Variants in HSD17B12 observed in about 807,000 individuals in gnomAD.
The protein encoded by HSD17B12 is hydroxysteroid 17-beta dehydrogenase 12, also known as very-long-chain 3-oxoacyl-CoA reductase.
A neutral mutation model predicts 39.3 loss-of-function variants in HSD17B12; 32 were observed. The observed-to-expected ratio is 0.81, with a 90% CI of 0.61 to 1.09. The LOEUF is 1.09. HSD17B12 is among the 50% of genes least tolerant of loss of function. The probability of loss-of-function intolerance (pLI) is 0.00; values close to 1 mark genes in which losing one functional copy is unlikely to be tolerated. For missense variants in HSD17B12, 342 were observed against 382.9 expected (o/e 0.89, Z 0.89); for synonymous variants, 150 against 146.7 (o/e 1.02, Z -0.16).
chr11:43,684,865 C>A (rs183807168), intron 1 of HSD17B12, among the ~76,000 whole-genome samples: 22 of 152,320 alleles, frequency 1.4e-4, no homozygotes, highest in African/African-American at 5.3e-4. Context: ...CCCTGACCCC[C>A]ACCCGCTCCA....
chr11:43,696,930 A>G (rs1003977883), intron 1 of HSD17B12, among the ~76,000 whole-genome samples: 16 of 151,612 alleles, frequency 1.1e-4, no homozygotes, highest in Non-Finnish European at 1.5e-4. Context: ...CAAACACCAC[A>G]TGTTCTCACC....
chr11:43,578,336 C>T, the HSD17B12 span, among the ~76,000 whole-genome samples: 3 of 152,170 alleles, frequency 2.0e-5, no homozygotes, highest in African/African-American at 7.2e-5. Flanking sequence ...AGTGACCTGA[C>T]CCCGATACAG....
the HSD17B12 span, among the ~76,000 whole-genome samples, chr11:43,580,929 C>T: frequency 6.6e-6 from 1 of 151,944 alleles, no homozygotes; most frequent in Non-Finnish European, 1.5e-5. Context: ...GAGTTTTTCT[C>T]TTTACGCAGC....
At chr11:43,770,678 T>C (rs958546611) in intron 3 of HSD17B12, among the ~76,000 whole-genome samples, 1 of 152,212 alleles carries the variant, frequency 6.6e-6, no homozygotes, top group Non-Finnish European at 1.5e-5. Context: ...GAGGCTGCAA[T>C]GAGCCACTGT....
the HSD17B12 span, among the ~76,000 whole-genome samples, chr11:43,610,026 G>A: frequency 6.6e-6 from 1 of 152,196 alleles, no homozygotes; most frequent in Admixed American, 6.5e-5. Context: ...GGGATAAAAT[G>A]AGGGGCGTCA....
intron 1 of HSD17B12, among the ~76,000 whole-genome samples, chr11:43,717,833 C>T (rs1342414796): frequency 7.2e-6 from 1 of 139,348 alleles, no homozygotes; most frequent in East Asian, 2.0e-4. Flanking sequence ...GAGACAGAGT[C>T]TGGCTCTGTC....
chr11:43,727,690 A>G (rs1202594135), intron 1 of HSD17B12, among the ~76,000 whole-genome samples: 1 of 151,974 alleles, frequency 6.6e-6, no homozygotes, highest in Non-Finnish European at 1.5e-5. Flanking sequence ...GAGTTTTACA[A>G]CTCCTTCTCC....
chr11:43,656,346 A>C, the HSD17B12 span, among the ~76,000 whole-genome samples: 82 of 152,228 alleles, frequency 5.4e-4, no homozygotes, highest in African/African-American at 1.9e-3. Flanking sequence ...CTTTTCAAAA[A>C]ACCAGCCCCT....
At position 43,724,526 on chromosome 11, in the gene HSD17B12, AC is replaced by A. The variant is rs150694461; in HGVS notation, c.161-26384del. ...AAATTTATTTCTCACAGTTTTGAAG[AC>A]TGTGAAGTCCAAGATCAAGGTCCTG... On this transcript the variant is annotated intron_variant, in intron 1 of 10. Transcript: ENST00000278353. Among the ~76,000 whole-genome samples, 1,018 of 152,254 alleles carry A rather than the reference AC, an allele frequency of 6.7e-3. 9 individuals carry two copies. Among genetic ancestry groups the A allele is most frequent in the African/African-American group, 0.023 (972 of 41,548 alleles).
intron 3 of HSD17B12, among the ~76,000 whole-genome samples, chr11:43,765,326 G>A (rs1950586125): frequency 6.6e-6 from 1 of 151,718 alleles, no homozygotes; most frequent in African/African-American, 2.4e-5. Flanking sequence ...TTGTTTTCTG[G>A]TACTTAAACT....
intron 3 of HSD17B12, among the ~76,000 whole-genome samples, chr11:43,767,492 A>AT (rs2134978250): frequency 6.6e-6 from 1 of 152,224 alleles, no homozygotes; most frequent in Non-Finnish European, 1.5e-5. Flanking sequence ...CTTTAACTTG[A>AT]TTTTTCCATC....
intron 1 of HSD17B12, among the ~76,000 whole-genome samples, chr11:43,721,319 G>A (rs902998996): frequency 6.6e-6 from 1 of 152,028 alleles, no homozygotes; most frequent in Non-Finnish European, 1.5e-5. Context: ...CAAACATGGG[G>A]TAAGAGTGTT....
the HSD17B12 span, among the ~76,000 whole-genome samples, chr11:43,672,560 G>GT: frequency 6.6e-6 from 1 of 152,070 alleles, no homozygotes. Flanking sequence ...TTGTTTGTTT[G>GT]TTTTTAAGAT....
intron 4 of HSD17B12, among the ~76,000 whole-genome samples, chr11:43,810,367 TTATATATATATATATATA>T (rs59970877): frequency 3.2e-4 from 19 of 59,666 alleles, no homozygotes; most frequent in East Asian, 1.1e-3. Flanking sequence ...AATTTAGAAA[TTATATATATATATATATA>T]TATATATATA....
the HSD17B12 span, among the ~76,000 whole-genome samples, chr11:43,572,222 G>C: frequency 6.6e-6 from 1 of 152,190 alleles, no homozygotes. Flanking sequence ...GTTGGTTTCA[G>C]GCAAATCCCT....
the HSD17B12 span, among the ~76,000 whole-genome samples, chr11:43,606,921 A>G: frequency 2.0e-5 from 3 of 152,208 alleles, no homozygotes; most frequent in African/African-American, 7.2e-5. Context: ...TTGGGAGTCA[A>G]TGTGAGCAGT....
the HSD17B12 span, among the ~76,000 whole-genome samples, chr11:43,578,554 C>G: frequency 1.3e-5 from 2 of 152,240 alleles, no homozygotes; most frequent in Non-Finnish European, 2.9e-5. Context: ...ACCAAAGCTG[C>G]TCACAGCCTC....
At chr11:43,691,812 C>T (rs1354092671) in intron 1 of HSD17B12, among the ~76,000 whole-genome samples, 1 of 152,178 alleles carries the variant, frequency 6.6e-6, no homozygotes, top group South Asian at 2.1e-4. Context: ...CCTGTGCTTT[C>T]CTGCTTCTTG....
At chr11:43,777,466 G>A (rs539520983) in intron 3 of HSD17B12, among the ~76,000 whole-genome samples, 1 of 152,312 alleles carries the variant, frequency 6.6e-6, no homozygotes, top group South Asian at 2.1e-4. Flanking sequence ...TGTATCCTGA[G>A]ACTTTGCTGA....
Sources: gnomAD v4.1 joint callset for allele counts (sites outside exome capture counted in the v4.1 genomes callset) on GRCh38, gnomAD v4.1.1 for gene constraint, MANE v1.5 for transcripts, NCBI Gene and HGNC (gene_info 2026-07-23, HGNC 2026-07-21) for gene names.